Variants in ARID1A observed in about 807,000 individuals in gnomAD.
ARID1A encodes the protein AT-rich interactive domain-containing protein 1A.
Under a neutral mutation model 212.6 loss-of-function variants are expected in ARID1A, and 20 were observed. The observed-to-expected ratio is 0.09, with a 90% CI of 0.07 to 0.14. The LOEUF (loss-of-function observed/expected upper bound fraction) is 0.14. ARID1A is among the 10% of genes least tolerant of loss of function. The pLI, the probability that ARID1A is intolerant of heterozygous loss-of-function variation, is 1.00. For missense variants in ARID1A, 2,587 were observed against 3,059.0 expected, an observed-to-expected ratio of 0.85 and a Z score of 3.64; for synonymous variants, 1,376 against 1,222.1, an observed-to-expected ratio of 1.13 and a Z score of -2.63.
intron 4 of ARID1A, among the ~76,000 whole-genome samples, chr1:26,756,381 C>T (rs897154171): frequency 6.6e-6 from 1 of 151,868 alleles, no homozygotes; most frequent in Non-Finnish European, 1.5e-5. Flanking sequence ...CATGTTGAAA[C>T]CCCGTCTCTA....
intron 1 of ARID1A, among the ~76,000 whole-genome samples, chr1:26,723,631 C>G (rs1463070448): frequency 6.6e-6 from 1 of 151,946 alleles, no homozygotes; most frequent in African/African-American, 2.4e-5. Flanking sequence ...GGTGTGGCTT[C>G]GAGTTTATGC....
intron 4 of ARID1A, among the ~76,000 whole-genome samples, chr1:26,735,116 A>ATTTTTTTTTT (rs35465692): frequency 7.6e-6 from 1 of 131,610 alleles, no homozygotes; most frequent in African/African-American, 2.8e-5. Flanking sequence ...AAAATCCAGA[A>ATTTTTTTTTT]TTTTTTTTTT....
At position 26,761,409 on chromosome 1, in the gene ARID1A, C is replaced by T. The variant is rs2124059396; in HGVS notation, c.2187C>T (p.Pro729=). ...GCAACCAGATGCCACCTCGGCCACC[C>T]AGTGGCCAGTCGGACAGCATCATGC... ...VPGNQMPPRP[P]SGQSDSIMHP... Residue 729 remains proline (P), a synonymous_variant, in exon 6 of 20, where the codon CCC becomes CCT. Transcript: ENST00000324856. 3.1e-6 allele frequency: 5 copies of T among 1,614,198 alleles called. No individual in the cohort carries two copies. Among genetic ancestry groups the T allele is most frequent in the East Asian group, 2.2e-5 (1 of 44,888 alleles).
At chr1:26,773,940 C>G in intron 17 of ARID1A, 42 bp downstream of exon 17, 1 of 1,589,956 alleles carries the variant, frequency 6.3e-7, no homozygotes, top group Non-Finnish European at 8.6e-7. Flanking sequence ...GCAGGTTCGC[C>G]TTGAAAACTA....
rs143636936 is a variant in ARID1A, at chr1:26,703,684, A to G, written c.1137+6144A>G. Among the ~76,000 whole-genome samples the G allele has an allele frequency of 1.4e-3, 214 of 152,334 alleles. 1 individual carries two copies. In the South Asian group the frequency reaches 0.018, roughly 13 times the overall value. The stretch of plus-strand genomic sequence containing the variant: ...TTCCCAGTATGTTGGTAGTGAGGGT[A>G]TTAGGAACTTCAGACTTATTGCTGA... On this transcript the variant is annotated intron_variant, in intron 1 of 19. Transcript: ENST00000324856.
At chr1:26,778,862 A>C (rs1187851169) in intron 19 of ARID1A, 161 bp from the exon 20 acceptor site, 3 of 641,744 alleles carry the variant, frequency 4.7e-6, no homozygotes, top group African/African-American at 3.6e-5. Context: ...GGCATAGAAG[A>C]GATTAAGATG....
chr1:26,775,862 GC>G, intron 19 of ARID1A, 155 bp downstream of exon 19: 1 of 1,117,382 alleles, frequency 8.9e-7, no homozygotes, highest in Non-Finnish European at 1.3e-6. Flanking sequence ...CTGGGCACGG[GC>G]CCAGGATTTT....
chr1:26,711,820 T>C (rs1431499507), intron 1 of ARID1A, among the ~76,000 whole-genome samples: 1 of 152,118 alleles, frequency 6.6e-6, no homozygotes, highest in Non-Finnish European at 1.5e-5. Flanking sequence ...TGGTGGCTCA[T>C]GCCTGTAATC....
intron 1 of ARID1A, among the ~76,000 whole-genome samples, chr1:26,726,176 T>TTG (rs1557589201): frequency 6.2e-5 from 9 of 146,296 alleles, no homozygotes; most frequent in African/African-American, 2.0e-4. Context: ...TTTTTTTTGT[T>TTG]TTTTTTTTTT....
chr1:26,765,006 GC>G (rs201261997), intron 8 of ARID1A: 24,456 of 151,624 alleles, frequency 0.16, 2,584 homozygotes, highest in Middle Eastern at 0.26. Context: ...AGACCAGCCT[GC>G]CCAGCATGGC....
intron 1 of ARID1A, among the ~76,000 whole-genome samples, chr1:26,715,963 T>TG (rs1292884761): frequency 6.6e-6 from 1 of 151,858 alleles, no homozygotes; most frequent in Non-Finnish European, 1.5e-5. Flanking sequence ...TCCCAGTACT[T>TG]GGGGAGACTG....
At chr1:26,748,105 A>G (rs983795006) in intron 4 of ARID1A, among the ~76,000 whole-genome samples, 1 of 152,204 alleles carries the variant, frequency 6.6e-6, no homozygotes, top group African/African-American at 2.4e-5. Flanking sequence ...AAGACCACTG[A>G]CAAGTATAAA....
chr1:26,707,248 G>A (rs1401060191), intron 1 of ARID1A, among the ~76,000 whole-genome samples: 4 of 120,646 alleles, frequency 3.3e-5, no homozygotes, highest in African/African-American at 1.3e-4. Flanking sequence ...TTGTTCTATC[G>A]CCCAGGCTGG....
chr1:26,696,706 G>A lies in ARID1A; in HGVS notation c.303G>A (p.Lys101=), dbSNP rs1221840353. The change falls in exon 1 of 20, where the codon AAG becomes AAA. Residue 101 remains lysine, a synonymous_variant. Transcript: ENST00000324856. The stretch of plus-strand genomic sequence containing the variant: ...GGCCCGGCGCGGAGCCGGACCTGAA[G>A]AACTCGAACGGGAACGCGGGCCCTA... The part of the protein sequence containing the change: ...GGGPGAEPDL[K]NSNGNAGPRP... 6.6e-6 allele frequency: 9 copies of A among 1,363,644 alleles called. No homozygotes were observed. The African/African-American group carries it at 9.3e-5, about 14-fold the overall frequency. The allele number at this position is 1,363,644 out of a possible 1,614,324, so 84.5% of individuals were successfully genotyped here. A position where few individuals can be genotyped will look rare whatever the true frequency, so the allele number is the denominator to read the frequency against.
In ARID1A at chr1:26,696,393, C is replaced by T. The variant is rs1477527695; in HGVS notation, c.-11C>T. On this transcript the variant is annotated 5_prime_UTR_variant, in exon 1 of 20. Coordinates refer to ENST00000324856, the MANE Select transcript of ARID1A (RefSeq NM_006015.6). ...GGGCCGGGTCTCTCCGCGGACGAGA[C>T]AGCGGGGATCATGGCCGCGCAGGTC... 12 of 1,270,358 alleles carry T rather than the reference C, an allele frequency of 9.4e-6. No homozygotes were observed. The Admixed American group carries it at 1.7e-4, about 18-fold the overall frequency. The allele number at this position is 1,270,358 out of a possible 1,614,324, so 78.7% of individuals were successfully genotyped here. A position where few individuals can be genotyped will look rare whatever the true frequency, so the allele number is the denominator to read the frequency against.
chr1:26,696,108 C>T lies in ARID1A; in HGVS notation c.-296C>T. ...CGCCCCCCTCATTCCCAGGCAAGGG[C>T]TTGGGGGGAATGAGCCGGGAGAGCC... On this transcript the variant is annotated 5_prime_UTR_variant, in exon 1 of 20. Coordinates refer to ENST00000324856, the MANE Select transcript of ARID1A (RefSeq NM_006015.6). The T allele has an allele frequency of 1.9e-5, 9 of 463,680 alleles. No homozygotes were observed. The highest frequency in any genetic ancestry group is 6.3e-5 in the East Asian group (1 of 15,838). The allele number at this position is 463,680 out of a possible 1,614,324, so 28.7% of individuals were successfully genotyped here. A position where few individuals can be genotyped will look rare whatever the true frequency, so the allele number is the denominator to read the frequency against.
chr1:26,757,873 C>G (rs969583089), intron 4 of ARID1A, among the ~76,000 whole-genome samples: 1 of 152,048 alleles, frequency 6.6e-6, no homozygotes, highest in Non-Finnish European at 1.5e-5. Context: ...CTCCTGACCT[C>G]GTAATCCGCC....
Position 26,779,167 on chromosome 1 carries a change from G to C in ARID1A, c.5269G>C (p.Ala1757Pro), listed in dbSNP as rs2081165586. 1 of 1,604,362 alleles carries C rather than the reference G, an allele frequency of 6.2e-7. No individual in the cohort carries two copies. Among genetic ancestry groups the C allele is most frequent in the Middle Eastern group, 1.7e-4 (1 of 6,026 alleles). Reference protein sequence around the residue: ...PGRFSKVSSPAPMEGGEEEEE... With the variant: ...PGRFSKVSSPPPMEGGEEEEE... ...GAGGTTCAGCAAGGTGTCTAGTCCA[G>C]CTCCCATGGAGGGTGGGGAAGAAGA... Residue 1757 changes from alanine (A) to proline (P), a missense_variant, in exon 20 of 20, where the codon GCT (alanine) becomes CCT (proline). Transcript: ENST00000324856.
chr1:26,739,929 T>C (rs980339411), intron 4 of ARID1A, among the ~76,000 whole-genome samples: 1 of 151,944 alleles, frequency 6.6e-6, no homozygotes, highest in Non-Finnish European at 1.5e-5. Context: ...CTGTTCTGTT[T>C]CTTTTCTTCC....
Sources: allele counts gnomAD v4.1 joint callset (sites outside exome capture counted in the v4.1 genomes callset), GRCh38; gene constraint gnomAD v4.1.1; transcripts MANE v1.5; gene names NCBI Gene and HGNC (gene_info 2026-07-23, HGNC 2026-07-21).